The following CABCOCO1 variants were observed in gnomAD, a reference collection of about 807,000 sequenced individuals.
CABCOCO1 encodes ciliary associated calcium binding coiled-coil 1.
CABCOCO1 carries 28 observed loss-of-function variants against 35.7 expected under a neutral mutation model. The ratio of observed to expected loss-of-function variants is 0.78; its 90% CI spans 0.58 to 1.07. The LOEUF is 1.07. Ranked by LOEUF, CABCOCO1 falls within the 50% of genes least tolerant of loss-of-function variation. The pLI is 0.00. For synonymous variants in CABCOCO1, 95 were observed against 100.1 expected (o/e 0.95, Z 0.30); for missense variants, 326 against 309.2 (o/e 1.05, Z -0.41).
chr10:61,693,492 C>T (rs1305648981), intron 5 of CABCOCO1, among the ~76,000 whole-genome samples: 1 of 151,932 alleles, frequency 6.6e-6, no homozygotes, highest in Admixed American at 6.6e-5. Flanking sequence ...GAGAAAAAAA[C>T]ATAAATCCCC....
At chr10:61,669,566 A>C (rs1037461060) in intron 1 of CABCOCO1, among the ~76,000 whole-genome samples, 1 of 152,088 alleles carries the variant, frequency 6.6e-6, no homozygotes, top group African/African-American at 2.4e-5. Context: ...GTCACTGTAT[A>C]AACAAACAAA....
chr10:61,678,008 A>T (rs12775150), intron 2 of CABCOCO1, among the ~76,000 whole-genome samples: 24,601 of 151,430 alleles, frequency 0.16, 2,735 homozygotes, highest in African/African-American at 0.29. Flanking sequence ...TATTTTTTTA[A>T]TTAAAGTTTG....
chr10:61,687,283 A>G (rs1311263561), intron 4 of CABCOCO1, among the ~76,000 whole-genome samples: 1 of 152,218 alleles, frequency 6.6e-6, no homozygotes, highest in Non-Finnish European at 1.5e-5. Context: ...CATATCAATT[A>G]AAGCAAAGCA....
rs1842103007 is a variant in CABCOCO1, at chr10:61,766,075, A to G, written c.*62A>G. 4 of 1,447,018 alleles carry G rather than the reference A, an allele frequency of 2.8e-6. No individual in the cohort carries two copies. The highest frequency in any genetic ancestry group is 3.6e-5 in the Admixed American group (2 of 54,986). 89.6% of individuals were successfully genotyped at this position (1,447,018 alleles called of 1,614,324 possible). On this transcript the variant is annotated 3_prime_UTR_variant, in exon 8 of 8. Coordinates refer to ENST00000648843, the MANE Select transcript of CABCOCO1 (RefSeq NM_001366906.2). ...GAAACAAACAAAACCAGCCAGAATA[A>G]CAGACTCTCTGGAGCGTCGTGTCTC...
At chr10:61,764,926 T>C (rs1416553135) in intron 7 of CABCOCO1, among the ~76,000 whole-genome samples, 1 of 152,198 alleles carries the variant, frequency 6.6e-6, no homozygotes, top group Non-Finnish European at 1.5e-5. Context: ...CTGTTATAGT[T>C]ACACTCTTGT....
chr10:61,702,311 C>T (rs1040918251), intron 5 of CABCOCO1, among the ~76,000 whole-genome samples: 19 of 152,070 alleles, frequency 1.2e-4, no homozygotes, highest in African/African-American at 4.6e-4. Context: ...TCCTATTCTT[C>T]CCATGGGTAT....
rs1163725062 is a variant in CABCOCO1 at position 61,760,151 on chromosome 10, G to GC, written c.651dup (p.Thr218HisfsTer17). 4 of 1,611,724 alleles carry GC rather than the reference G, an allele frequency of 2.5e-6. No homozygotes were observed. The highest frequency in any genetic ancestry group is 3.4e-6 in the Non-Finnish European group (4 of 1,178,408). The stretch of plus-strand genomic sequence containing the variant: ...TTGATATTTATTCAACATTCATAGA[G>GC]CCCCCCACAATATTGGATACGGAAA... On this transcript the variant is annotated frameshift_variant, in exon 6 of 8. Transcript: ENST00000648843. LOFTEE classifies it high-confidence loss of function.
chr10:61,722,538 T>G (rs1841047603), intron 5 of CABCOCO1, among the ~76,000 whole-genome samples: 3 of 152,188 alleles, frequency 2.0e-5, no homozygotes, highest in African/African-American at 7.2e-5. Flanking sequence ...AAGCATTTAC[T>G]CAAGAGTTTA....
At position 61,727,285 on chromosome 10, in the gene CABCOCO1, AC is replaced by A. The variant is rs1319916872; in HGVS notation, c.553-32773del. Among the ~76,000 whole-genome samples the A allele has an allele frequency of 6.6e-5, 10 of 152,264 alleles. 1 individual carries two copies. In the East Asian group the frequency reaches 1.5e-3, roughly 24 times the overall value. ...TAATCTCTATACCTACACTAATAAA[AC>A]TGGAATTTTCAATTATCTTAAAATT... On this transcript the variant is annotated intron_variant, in intron 5 of 7. Transcript: ENST00000648843.
intron 5 of CABCOCO1, among the ~76,000 whole-genome samples, chr10:61,712,770 C>A (rs1233139508): frequency 6.6e-6 from 1 of 152,114 alleles, no homozygotes; most frequent in Non-Finnish European, 1.5e-5. Context: ...GAATCCTTTC[C>A]CCATTTCTTG....
intron 5 of CABCOCO1, among the ~76,000 whole-genome samples, chr10:61,752,790 C>CT (rs1554826519): frequency 0.05 from 7,661 of 152,114 alleles, 693 homozygotes; most frequent in African/African-American, 0.17. Flanking sequence ...AATTTAGCAC[C>CT]AAAGCTTTTT....
intron 3 of CABCOCO1, chr10:61,684,885 G>A (rs558776727): frequency 7.9e-4 from 121 of 152,304 alleles, no homozygotes; most frequent in African/African-American, 2.6e-3. Flanking sequence ...AGAACCAAAC[G>A]AGAAAAGAAA....
intron 5 of CABCOCO1, among the ~76,000 whole-genome samples, chr10:61,713,394 C>T (rs915381395): frequency 6.6e-5 from 10 of 152,092 alleles, no homozygotes; most frequent in African/African-American, 2.2e-4. Context: ...TTGCTAATCA[C>T]CTTAGGGAGA....
intron 2 of CABCOCO1, among the ~76,000 whole-genome samples, chr10:61,680,554 TA>T (rs2035846880): frequency 8.7e-6 from 1 of 115,082 alleles, no homozygotes; most frequent in African/African-American, 3.3e-5. Context: ...ATATAACATA[TA>T]ATATATATTT....
intron 5 of CABCOCO1, among the ~76,000 whole-genome samples, chr10:61,732,894 C>T (rs541748649): frequency 1.2e-4 from 19 of 152,088 alleles, no homozygotes; most frequent in African/African-American, 2.2e-4. Context: ...GGATGAGAAA[C>T]GCTTATTAAA....
chr10:61,671,309 A>G, intron 1 of CABCOCO1, among the ~76,000 whole-genome samples: 1 of 151,188 alleles, frequency 6.6e-6, no homozygotes, highest in Non-Finnish European at 1.5e-5. Context: ...TGGGTGACAG[A>G]GTGAGGCTCC....
At chr10:61,679,575 T>C (rs546764849) in intron 2 of CABCOCO1, among the ~76,000 whole-genome samples, 1 of 152,314 alleles carries the variant, frequency 6.6e-6, no homozygotes, top group South Asian at 2.1e-4. Flanking sequence ...AGTTACTTCA[T>C]ACAGAAAATG....
intron 2 of CABCOCO1, among the ~76,000 whole-genome samples, chr10:61,676,239 T>C (rs1229035798): frequency 6.6e-6 from 1 of 152,182 alleles, no homozygotes; most frequent in Non-Finnish European, 1.5e-5. Context: ...TGTGGTCTTA[T>C]TGAAAAATTT....
intron 1 of CABCOCO1, among the ~76,000 whole-genome samples, chr10:61,671,356 ATGCAG>A (rs1249133981): frequency 6.6e-6 from 1 of 151,918 alleles, no homozygotes; most frequent in African/African-American, 2.4e-5. Flanking sequence ...ATGTACAGTT[ATGCAG>A]GTTGTGCTCT....
Sources: allele counts gnomAD v4.1 joint callset (sites outside exome capture counted in the v4.1 genomes callset), GRCh38; gene constraint gnomAD v4.1.1; transcripts MANE v1.5; gene names NCBI Gene and HGNC (gene_info 2026-07-23, HGNC 2026-07-21).